The following SNTG1 variants were observed in gnomAD, a reference collection of about 807,000 sequenced individuals.
SNTG1 encodes gamma-1-syntrophin.
In SNTG1, 39 loss-of-function variants were observed where a neutral mutation model predicts 74.7. That is an observed-to-expected ratio of 0.52 (90% confidence interval 0.40 to 0.68). SNTG1 has a LOEUF of 0.68. Ranked by LOEUF, SNTG1 falls within the 30% of genes least tolerant of loss-of-function variation. The pLI is 0.00. For missense variants in SNTG1, 685 were observed against 609.5 expected, an observed-to-expected ratio of 1.12 and a Z score of -1.30; for synonymous variants, 254 against 217.1, an observed-to-expected ratio of 1.17 and a Z score of -1.49.
At chr8:50,130,538 T>C (rs2081283913) in intron 1 of SNTG1, among the ~76,000 whole-genome samples, 2 of 152,202 alleles carry the variant, frequency 1.3e-5, no homozygotes, top group South Asian at 2.1e-4. Flanking sequence ...AGGAGCAAAA[T>C]ATAACACTTT....
chr8:50,115,580 A>AAAAAAAAAAAC (rs1554580689), intron 1 of SNTG1, among the ~76,000 whole-genome samples: 2 of 148,388 alleles, frequency 1.3e-5, no homozygotes, highest in African/African-American at 4.9e-5. Context: ...AAAAAAAAAA[A>AAAAAAAAAAAC]AAAAAAACGA....
chr8:50,474,078 G>T (rs937462294), intron 8 of SNTG1, among the ~76,000 whole-genome samples: 3 of 152,130 alleles, frequency 2.0e-5, no homozygotes, highest in Non-Finnish European at 2.9e-5. Flanking sequence ...TTGCACAACA[G>T]TTTGAATATA....
intron 2 of SNTG1, among the ~76,000 whole-genome samples, chr8:50,191,116 A>C (rs1239012863): frequency 6.6e-6 from 1 of 152,098 alleles, no homozygotes; most frequent in African/African-American, 2.4e-5. Context: ...GCCTTCTGAA[A>C]GCTCCAAAGT....
At chr8:50,068,196 G>A (rs1193459472) in intron 1 of SNTG1, among the ~76,000 whole-genome samples, 1 of 152,164 alleles carries the variant, frequency 6.6e-6, no homozygotes, top group African/African-American at 2.4e-5. Flanking sequence ...CAGGTTTGAT[G>A]CAATCCTAAT....
chr8:50,384,124 T>C (rs1450019816), intron 2 of SNTG1, among the ~76,000 whole-genome samples: 1 of 152,168 alleles, frequency 6.6e-6, no homozygotes, highest in African/African-American at 2.4e-5. Context: ...GCACCATATA[T>C]TGAACATATA....
intron 2 of SNTG1, among the ~76,000 whole-genome samples, chr8:50,383,168 T>C (rs1041594881): frequency 6.6e-6 from 1 of 152,150 alleles, no homozygotes; most frequent in Non-Finnish European, 1.5e-5. Flanking sequence ...CAACGTAACA[T>C]TCATATATAT....
At chr8:50,489,751 T>G (rs2093833702) in intron 8 of SNTG1, among the ~76,000 whole-genome samples, 1 of 152,266 alleles carries the variant, frequency 6.6e-6, no homozygotes, top group Non-Finnish European at 1.5e-5. Flanking sequence ...GATAGTTTCT[T>G]TGGCTGTGGA....
At position 50,597,867 on chromosome 8, in the gene SNTG1, G is replaced by A. The variant is rs576459865; in HGVS notation, c.849+6950G>A. 5.9e-5 allele frequency among the ~76,000 whole-genome samples: 9 copies of A among 151,998 alleles called. No homozygotes were observed. In the East Asian group the frequency reaches 1.5e-3, roughly 26 times the overall value. ...TGGCCATTTGTATGTATTCTTTTGA[G>A]AAATGTCTATTCAGATCTTTTGCCC... is the stretch of plus-strand genomic sequence containing the variant. On this transcript the variant is annotated intron_variant, in intron 13 of 18. Coordinates refer to ENST00000642720, the MANE Select transcript of SNTG1 (RefSeq NM_018967.5).
chr8:49,978,053 G>C (rs1812349658), intron 1 of SNTG1, among the ~76,000 whole-genome samples: 1 of 152,190 alleles, frequency 6.6e-6, no homozygotes, highest in Non-Finnish European at 1.5e-5. Flanking sequence ...CACGGGGCCT[G>C]TTGCCAACCC....
chr8:50,081,137 T>G (rs1325617243), intron 1 of SNTG1, among the ~76,000 whole-genome samples: 1 of 152,160 alleles, frequency 6.6e-6, no homozygotes, highest in East Asian at 1.9e-4. Context: ...ACTTTTAATT[T>G]TTTCTGTCAA....
In SNTG1 at chr8:49,982,050, A is replaced by G. The variant is rs545499648; in HGVS notation, c.-103+69819A>G. Reference sequence around the variant, plus strand: ...ATAGCTTTAAAAATAAAAGTCTTTGAAAAAAATGAGCATGGTTTTCAAATT... The same window carrying G: ...ATAGCTTTAAAAATAAAAGTCTTTGGAAAAAATGAGCATGGTTTTCAAATT... On this transcript the variant is annotated intron_variant, in intron 1 of 18. Transcript: ENST00000642720. Among the ~76,000 whole-genome samples the G allele has an allele frequency of 8.3e-4, 126 of 152,282 alleles. 1 individual carries two copies. The highest frequency in any genetic ancestry group is 1.4e-3 in the Non-Finnish European group (92 of 68,020).
chr8:50,746,848 TA>T (rs928544539), intron 17 of SNTG1, among the ~76,000 whole-genome samples: 7 of 147,746 alleles, frequency 4.7e-5, no homozygotes, highest in Non-Finnish European at 7.4e-5. Context: ...ATATATAATA[TA>T]TTATATTGTA....
intron 4 of SNTG1, among the ~76,000 whole-genome samples, chr8:50,419,055 C>T (rs1038534477): frequency 6.6e-6 from 1 of 152,064 alleles, no homozygotes; most frequent in African/African-American, 2.4e-5. Flanking sequence ...GGGAGAAAGA[C>T]AGGTTGGCTT....
chr8:50,387,000 C>T (rs1346887332), intron 2 of SNTG1, among the ~76,000 whole-genome samples: 7 of 152,144 alleles, frequency 4.6e-5, no homozygotes, highest in African/African-American at 7.2e-5. Context: ...AGAATTTTCA[C>T]TCAACCTAGA....
intron 17 of SNTG1, among the ~76,000 whole-genome samples, chr8:50,717,002 C>A (rs1436459951): frequency 6.6e-6 from 1 of 152,114 alleles, no homozygotes; most frequent in Non-Finnish European, 1.5e-5. Flanking sequence ...TCCCAAAATG[C>A]TGGGATTACA....
chr8:50,282,008 T>G (rs906001480), intron 2 of SNTG1, among the ~76,000 whole-genome samples: 1 of 152,086 alleles, frequency 6.6e-6, no homozygotes, highest in African/African-American at 2.4e-5. Context: ...CATTTTAAAG[T>G]TCACCTTGAT....
At position 50,231,026 on chromosome 8, in the gene SNTG1, G is replaced by A. The variant is rs74978060; in HGVS notation, c.-28+58391G>A. 2.4e-3 allele frequency among the ~76,000 whole-genome samples: 360 copies of A among 151,070 alleles called. 2 individuals are homozygous for A. The highest frequency in any genetic ancestry group is 8.3e-3 in the African/African-American group (344 of 41,398). On this transcript the variant is annotated intron_variant, in intron 2 of 18. Transcript: ENST00000642720. ...AGGGATTAATATCCAAAATACATAA[G>A]GAACTCAACTAACTCTAAAGAAATA...
At chr8:50,246,344 A>T (rs917869816) in intron 2 of SNTG1, among the ~76,000 whole-genome samples, 4 of 152,064 alleles carry the variant, frequency 2.6e-5, no homozygotes, top group South Asian at 4.1e-4. Context: ...AATATCAATC[A>T]GCTCTACTTC....
intron 2 of SNTG1, among the ~76,000 whole-genome samples, chr8:50,282,051 T>G (rs879274829): frequency 1.3e-5 from 2 of 152,144 alleles, no homozygotes; most frequent in Admixed American, 1.3e-4. Context: ...GGCATCAGCC[T>G]AATGGCTAAG....
Sources: gnomAD v4.1 joint callset for allele counts (sites outside exome capture counted in the v4.1 genomes callset) on GRCh38, gnomAD v4.1.1 for gene constraint, MANE v1.5 for transcripts, NCBI Gene and HGNC (gene_info 2026-07-23, HGNC 2026-07-21) for gene names.